The following EIF4G3 variants were observed in gnomAD, a reference collection of about 807,000 sequenced individuals.
The protein encoded by EIF4G3 is eukaryotic translation initiation factor 4 gamma 3.
Under a neutral mutation model 186.4 loss-of-function variants are expected in EIF4G3, and 34 were observed. The observed-to-expected ratio is 0.18, with a 90% confidence interval of 0.14 to 0.24. EIF4G3 has a LOEUF of 0.24. Among genes scored for constraint, EIF4G3 ranks in the 10% least tolerant of loss-of-function variants. The pLI is 1.00. For missense variants in EIF4G3, 1,536 were observed against 1,948.5 expected, an observed-to-expected ratio of 0.79 and a Z score of 3.99; for synonymous variants, 673 against 679.5, an observed-to-expected ratio of 0.99 and a Z score of 0.15.
intron 2 of EIF4G3, among the ~76,000 whole-genome samples, chr1:21,116,165 A>G (rs1403872477): frequency 2.0e-5 from 3 of 152,214 alleles, no homozygotes; most frequent in Non-Finnish European, 4.4e-5. Context: ...TAATGACAGA[A>G]TAACAGAAAA....
chr1:20,968,076 A>G (rs761205227), intron 12 of EIF4G3, among the ~76,000 whole-genome samples: 2 of 152,214 alleles, frequency 1.3e-5, no homozygotes, highest in Non-Finnish European at 2.9e-5. Context: ...CTGCACCTGC[A>G]ATTGGCTTCA....
intron 10 of EIF4G3, among the ~76,000 whole-genome samples, chr1:20,977,514 T>C (rs1158133619): frequency 2.6e-5 from 4 of 152,218 alleles, no homozygotes. Context: ...TTAATTTAGT[T>C]ACTTTCATAA....
chr1:20,955,736 A>G (rs935209357), intron 12 of EIF4G3, among the ~76,000 whole-genome samples: 3 of 152,174 alleles, frequency 2.0e-5, no homozygotes, highest in Non-Finnish European at 2.9e-5. Flanking sequence ...CTGATGACAC[A>G]TGGTAGAGAG....
chr1:21,148,624 C>T (rs556519245), intron 2 of EIF4G3, among the ~76,000 whole-genome samples: 75 of 151,210 alleles, frequency 5.0e-4, no homozygotes, highest in Non-Finnish European at 8.0e-4. Flanking sequence ...ATGGTGTGAA[C>T]CCAGGAGGCG....
intron 29 of EIF4G3, among the ~76,000 whole-genome samples, chr1:20,848,468 A>C (rs2071994169): frequency 6.6e-6 from 1 of 152,198 alleles, no homozygotes; most frequent in South Asian, 2.1e-4. Context: ...AACTACAGTT[A>C]AGTAACTGCT....
intron 7 of EIF4G3, among the ~76,000 whole-genome samples, chr1:20,983,276 G>C (rs529875689): frequency 6.6e-6 from 1 of 152,176 alleles, no homozygotes; most frequent in Admixed American, 6.5e-5. Flanking sequence ...GAAACCAAAG[G>C]GGCAGGCCAC....
chr1:20,994,628 CTTTTTT>C (rs3081939), intron 7 of EIF4G3, among the ~76,000 whole-genome samples: 3 of 124,482 alleles, frequency 2.4e-5, no homozygotes, highest in African/African-American at 6.0e-5. Flanking sequence ...AACATATATA[CTTTTTT>C]TTTTTTTTTT....
At chr1:20,912,503 T>C (rs2093364620) in intron 14 of EIF4G3, among the ~76,000 whole-genome samples, 1 of 152,178 alleles carries the variant, frequency 6.6e-6, no homozygotes, top group Non-Finnish European at 1.5e-5. Context: ...GAAATTAATG[T>C]GTCCAGAGTC....
At chr1:21,172,688 A>G (rs1312061273) in intron 2 of EIF4G3, among the ~76,000 whole-genome samples, 5 of 151,980 alleles carry the variant, frequency 3.3e-5, no homozygotes, top group African/African-American at 4.8e-5. Flanking sequence ...AGCTGGGACT[A>G]CAGGCGCCTG....
At chr1:20,871,909 C>T (rs1239776747) in intron 20 of EIF4G3, among the ~76,000 whole-genome samples, 1 of 151,782 alleles carries the variant, frequency 6.6e-6, no homozygotes, top group Non-Finnish European at 1.5e-5. Flanking sequence ...CTGCAACCTC[C>T]ACCTCCTGGG....
intron 10 of EIF4G3, among the ~76,000 whole-genome samples, chr1:20,976,987 G>A (rs2076979694): frequency 6.6e-6 from 1 of 151,584 alleles, no homozygotes; most frequent in Non-Finnish European, 1.5e-5. Context: ...AGATGCCCAT[G>A]AATATAGTAT....
At chr1:21,123,828 T>G (rs1200795212) in intron 2 of EIF4G3, among the ~76,000 whole-genome samples, 1 of 152,198 alleles carries the variant, frequency 6.6e-6, no homozygotes, top group Non-Finnish European at 1.5e-5. Context: ...AATTCCAGTG[T>G]TGACAAAGAG....
chr1:20,996,466 T>C (rs1452387535), intron 7 of EIF4G3, among the ~76,000 whole-genome samples: 1 of 152,210 alleles, frequency 6.6e-6, no homozygotes, highest in Non-Finnish European at 1.5e-5. Flanking sequence ...GTACCTTTAA[T>C]AACTCAGATT....
chr1:20,972,327 T>G (rs1427476660), intron 11 of EIF4G3, among the ~76,000 whole-genome samples: 2 of 152,142 alleles, frequency 1.3e-5, no homozygotes, highest in East Asian at 1.9e-4. Flanking sequence ...CATACTTGAA[T>G]GGAGAGCTGA....
chr1:21,022,317 C>CA (rs1459084987), intron 4 of EIF4G3, among the ~76,000 whole-genome samples: 4 of 152,240 alleles, frequency 2.6e-5, no homozygotes, highest in Non-Finnish European at 4.4e-5. Flanking sequence ...AAATGTAGTA[C>CA]AAAAACCCCA....
At chr1:20,921,685 C>T (rs1349697365) in intron 14 of EIF4G3, among the ~76,000 whole-genome samples, 2 of 152,252 alleles carry the variant, frequency 1.3e-5, no homozygotes, top group South Asian at 4.1e-4. Context: ...CTGATATTGC[C>T]AGGTGAGGAG....
chr1:21,015,145 T>C (rs1451651177), intron 4 of EIF4G3, among the ~76,000 whole-genome samples: 1 of 151,708 alleles, frequency 6.6e-6, no homozygotes, highest in African/African-American at 2.4e-5. Flanking sequence ...AAAAATTCAC[T>C]AGAAGAGTAC....
At chr1:21,158,906 G>A (rs1213880934) in intron 2 of EIF4G3, among the ~76,000 whole-genome samples, 2 of 151,458 alleles carry the variant, frequency 1.3e-5, no homozygotes, top group Admixed American at 6.6e-5. Context: ...TGTTACCTAT[G>A]ATGAGTAAAG....
chr1:20,852,391 G>A (rs1314529499), intron 27 of EIF4G3, among the ~76,000 whole-genome samples: 1 of 152,160 alleles, frequency 6.6e-6, no homozygotes, highest in Non-Finnish European at 1.5e-5. Context: ...AAATGAAAGG[G>A]AAACAAATAT....
Sources: gnomAD v4.1 joint callset for allele counts (sites outside exome capture counted in the v4.1 genomes callset) on GRCh38, gnomAD v4.1.1 for gene constraint, MANE v1.5 for transcripts, NCBI Gene and HGNC (gene_info 2026-07-23, HGNC 2026-07-21) for gene names.